EPB41L3: variants seen among roughly 807,000 people sequenced by gnomAD.
EPB41L3 encodes band 4.1-like protein 3.
In EPB41L3, 57 loss-of-function variants were observed where a neutral mutation model predicts 127.1. That is an observed-to-expected ratio of 0.45 (90% CI 0.36 to 0.56). The LOEUF is 0.56. EPB41L3 is among the 20% of genes least tolerant of loss of function. The pLI is 0.00. For missense variants in EPB41L3, 1,273 were observed against 1,372.2 expected (o/e 0.93, Z 1.14); for synonymous variants, 572 against 549.5 (o/e 1.04, Z -0.57).
rs1568547674 is a variant in EPB41L3, at chr18:5,543,214, CA to C, written c.-12+698del. The stretch of plus-strand genomic sequence containing the variant: ...GCTTGGACGCTCCCTCCTCCTCCCC[CA>C]CCGGCCGGGGGCCGCTGCCCCAGTT... On this transcript the variant is annotated intron_variant, in intron 1 of 22. Coordinates refer to ENST00000341928, the MANE Select transcript of EPB41L3 (RefSeq NM_012307.5). This position sits in a 1 kb window ranked among gnomAD's most constrained non-coding sequence, Gnocchi z 5.2. 6.6e-6 allele frequency: 1 copy of C among 151,312 alleles called. No homozygotes were observed. The highest frequency in any genetic ancestry group is 2.4e-5 in the African/African-American group (1 of 41,364). 9.4% of individuals were successfully genotyped at this position (151,312 alleles called of 1,614,324 possible). A position where few individuals can be genotyped will look rare whatever the true frequency, so the allele number is the denominator to read the frequency against.
intron 12 of EPB41L3, among the ~76,000 whole-genome samples, chr18:5,419,257 T>C (rs961085604): frequency 1.3e-5 from 2 of 152,200 alleles, no homozygotes; most frequent in African/African-American, 4.8e-5. Context: ...GGCGTAAGTA[T>C]AAATATGTAG....
At chr18:5,574,136 T>C (rs1348822010) in intron 3 of EPB41L3, among the ~76,000 whole-genome samples, 1 of 152,096 alleles carries the variant, frequency 6.6e-6, no homozygotes, top group East Asian at 1.9e-4. Context: ...TAATACAAAG[T>C]CAAAATTCCC....
chr18:5,414,661 G>A (rs1273644818), intron 13 of EPB41L3, among the ~76,000 whole-genome samples: 1 of 152,160 alleles, frequency 6.6e-6, no homozygotes, highest in Non-Finnish European at 1.5e-5. Context: ...GGGAACAGGA[G>A]GGCTGCAGGG....
chr18:5,450,213 G>T (rs117817180), intron 3 of EPB41L3, among the ~76,000 whole-genome samples: 2,570 of 152,208 alleles, frequency 0.017, 33 homozygotes, highest in Non-Finnish European at 0.025. Flanking sequence ...GCTAACAGGG[G>T]ATGTGGGGGA....
intron 18 of EPB41L3, 133 bp from the exon 19 acceptor site, chr18:5,396,465 G>GA: frequency 1.0e-6 from 1 of 1,001,316 alleles, no homozygotes; most frequent in Non-Finnish European, 1.5e-6. Context: ...GTAAGCTGGG[G>GA]AATGAGGCAT....
At chr18:5,482,534 C>G (rs970475258) in intron 2 of EPB41L3, among the ~76,000 whole-genome samples, 1 of 151,998 alleles carries the variant, frequency 6.6e-6, no homozygotes, top group African/African-American at 2.4e-5. Flanking sequence ...CAGATTCAAC[C>G]TAAATAAGAA....
chr18:5,493,917 C>T (rs990953153), intron 1 of EPB41L3, among the ~76,000 whole-genome samples: 1 of 152,164 alleles, frequency 6.6e-6, no homozygotes, highest in Non-Finnish European at 1.5e-5. Flanking sequence ...TCTGGCTACT[C>T]TTCCTCATTT....
At chr18:5,455,215 AAT>A (rs2082854279) in intron 3 of EPB41L3, among the ~76,000 whole-genome samples, 1 of 152,210 alleles carries the variant, frequency 6.6e-6, no homozygotes. Flanking sequence ...CTGAATTTGG[AAT>A]AGAGACTGAT....
chr18:5,598,738 G>A (rs775538091), intron 3 of EPB41L3, among the ~76,000 whole-genome samples: 2 of 152,174 alleles, frequency 1.3e-5, no homozygotes, highest in Non-Finnish European at 2.9e-5. Context: ...AGATGTCCTT[G>A]CCTTTAGAAT....
Position 5,485,295 on chromosome 18 carries a change from CAT to C in EPB41L3, c.183+3704_183+3705del, listed in dbSNP as rs1233623519. Among the ~76,000 whole-genome samples the C allele has an allele frequency of 5.9e-5, 9 of 152,078 alleles. No homozygotes were observed. The East Asian group carries it at 1.2e-3, about 20-fold the overall frequency. ...CAAAAAAGCATTTGATAAAATTCAA[CAT>C]GTCTTTATGATTAAAAATCCTCATC... is the stretch of plus-strand genomic sequence containing the variant. On this transcript the variant is annotated intron_variant, in intron 2 of 22. Coordinates refer to ENST00000341928, the MANE Select transcript of EPB41L3 (RefSeq NM_012307.5).
chr18:5,400,500 T>C (rs990911304), intron 16 of EPB41L3: 1 of 456,476 alleles, frequency 2.2e-6, no homozygotes, highest in Non-Finnish European at 4.4e-6. Flanking sequence ...GAATAACCTC[T>C]AGGGTTGATG....
At chr18:5,556,377 G>A (rs1568568089) in intron 3 of EPB41L3, among the ~76,000 whole-genome samples, 1 of 152,172 alleles carries the variant, frequency 6.6e-6, no homozygotes, top group Non-Finnish European at 1.5e-5. Flanking sequence ...TCTGGGTAGG[G>A]GACTAGCCAG....
intron 8 of EPB41L3, among the ~76,000 whole-genome samples, chr18:5,431,845 T>C (rs993012589): frequency 6.6e-6 from 1 of 152,194 alleles, no homozygotes; most frequent in African/African-American, 2.4e-5. Context: ...AAATTCTCAC[T>C]CTACCTTGTA....
chr18:5,567,895 T>C (rs568956500), intron 3 of EPB41L3, among the ~76,000 whole-genome samples: 17 of 152,180 alleles, frequency 1.1e-4, no homozygotes, highest in Non-Finnish European at 2.2e-4. Context: ...CCAGAGAATA[T>C]TTTTTAAAAC....
intron 1 of EPB41L3, among the ~76,000 whole-genome samples, chr18:5,527,940 T>G (rs2148893029): frequency 1.3e-5 from 2 of 152,278 alleles, no homozygotes; most frequent in South Asian, 4.1e-4. Context: ...AATCTGACTG[T>G]TAGACAACAA....
intron 9 of EPB41L3, among the ~76,000 whole-genome samples, chr18:5,427,136 T>C (rs1045593109): frequency 8.5e-5 from 13 of 152,164 alleles, no homozygotes; most frequent in African/African-American, 3.1e-4. Context: ...CCCAAAGTTC[T>C]GGGATTACAG....
chr18:5,489,100 G>T lies in EPB41L3; in HGVS notation c.84C>A (p.Arg28=). ...EPQEAAGAQG[R]AGAPVPEPPK... is the part of the protein sequence containing the mutation. The stretch of plus-strand genomic sequence containing the variant: ...GCGGCTCCGGCACGGGCGCCCCCGC[G>T]CGCCCCTGCGCCCCCGCCGCCTCCT... The change falls in exon 2 of 23, where the codon CGC becomes CGA. Residue 28 remains arginine (R), a synonymous_variant. Transcript: ENST00000341928. 6.3e-7 allele frequency: 1 copy of T among 1,591,410 alleles called. No individual in the cohort carries two copies. The highest frequency in any genetic ancestry group is 2.3e-5 in the East Asian group (1 of 43,796).
intron 1 of EPB41L3, among the ~76,000 whole-genome samples, chr18:5,622,646 G>A (rs4798380): frequency 0.24 from 36,617 of 151,998 alleles, 4,619 homozygotes; most frequent in African/African-American, 0.28. Context: ...GGCACCCAAC[G>A]TTCAAAGAGA....
chr18:5,608,789 C>A (rs2094692801), intron 3 of EPB41L3, among the ~76,000 whole-genome samples: 1 of 152,106 alleles, frequency 6.6e-6, no homozygotes, highest in Non-Finnish European at 1.5e-5. Context: ...CCATGTGAAT[C>A]CCAAAGGGAG....
Sources: allele counts gnomAD v4.1 joint callset (sites outside exome capture counted in the v4.1 genomes callset), GRCh38; gene constraint gnomAD v4.1.1; non-coding constraint Gnocchi (gnomAD v3.1); transcripts MANE v1.5; gene names NCBI Gene and HGNC (gene_info 2026-07-23, HGNC 2026-07-21).